The following PRKN variants were observed in gnomAD, a reference collection of about 807,000 sequenced individuals.
The protein encoded by PRKN is E3 ubiquitin-protein ligase parkin.
In PRKN, 56 loss-of-function variants were observed where a neutral mutation model predicts 59.5. That is an observed-to-expected ratio of 0.94 (90% CI 0.76 to 1.18). The LOEUF (loss-of-function observed/expected upper bound fraction) is 1.18. Among genes scored for constraint, PRKN ranks in the 50% most tolerant of loss-of-function variants. PRKN has a pLI of 0.00. For synonymous variants in PRKN, 250 were observed against 222.1 expected (o/e 1.13, Z -1.12); for missense variants, 657 against 596.4 (o/e 1.10, Z -1.06).
At chr6:161,917,937 A>G (rs1191789415) in intron 6 of PRKN, among the ~76,000 whole-genome samples, 1 of 152,210 alleles carries the variant, frequency 6.6e-6, no homozygotes, top group East Asian at 1.9e-4. Context: ...ATGACCTATC[A>G]TATTTCCTTG....
At chr6:162,019,496 T>C (rs1413740659) in intron 5 of PRKN, among the ~76,000 whole-genome samples, 1 of 152,154 alleles carries the variant, frequency 6.6e-6, no homozygotes, top group Non-Finnish European at 1.5e-5. Flanking sequence ...CTACAGATCA[T>C]TGAAATGATA....
chr6:162,041,904 C>T (rs1219615567), intron 5 of PRKN, among the ~76,000 whole-genome samples: 1 of 152,042 alleles, frequency 6.6e-6, no homozygotes, highest in South Asian at 2.1e-4. Context: ...CATATCCTAT[C>T]CTAGAGTGGC....
In PRKN at chr6:161,518,992, TA is replaced by T. The variant is rs1341258183; in HGVS notation, c.1083+29861del. On this transcript the variant is annotated intron_variant, in intron 9 of 11. Coordinates refer to ENST00000366898, the MANE Select transcript of PRKN (RefSeq NM_004562.3). The surrounding 1 kb of genome is among the most constrained non-coding windows in gnomAD (Gnocchi z 5.0). ...CTCGTGTCCAGATGCAAGTAAATGATAAACTCCTCGAGACTTCAGACAGAGA... is the reference window on the plus strand; with the variant it reads ...CTCGTGTCCAGATGCAAGTAAATGATAACTCCTCGAGACTTCAGACAGAGA... Among the ~76,000 whole-genome samples the T allele has an allele frequency of 6.6e-6, 1 of 152,170 alleles. No homozygotes were observed. Among genetic ancestry groups the T allele is most frequent in the Admixed American group, 6.5e-5 (1 of 15,268 alleles).
intron 7 of PRKN, among the ~76,000 whole-genome samples, chr6:161,608,938 G>C (rs1333720684): frequency 1.3e-5 from 2 of 152,062 alleles, no homozygotes; most frequent in Non-Finnish European, 2.9e-5. Context: ...CATCCAGGTG[G>C]CAATGTTGTC....
intron 1 of PRKN, among the ~76,000 whole-genome samples, chr6:162,577,428 C>T (rs1349443395): frequency 1.3e-5 from 2 of 151,196 alleles, no homozygotes; most frequent in South Asian, 2.1e-4. Context: ...GGTGAAACCC[C>T]GTCTCTACTA....
At chr6:162,202,636 T>C (rs1784779061) in intron 3 of PRKN, among the ~76,000 whole-genome samples, 1 of 152,212 alleles carries the variant, frequency 6.6e-6, no homozygotes, top group Non-Finnish European at 1.5e-5. Context: ...AAATATGACA[T>C]TGCTGTTAGC....
At chr6:161,724,563 T>TA (rs1482775129) in intron 7 of PRKN, among the ~76,000 whole-genome samples, 7 of 152,260 alleles carry the variant, frequency 4.6e-5, no homozygotes, top group African/African-American at 1.7e-4. Context: ...TGATACATTT[T>TA]ATCTAGCCAT....
intron 1 of PRKN, among the ~76,000 whole-genome samples, chr6:162,514,362 G>A (rs1041589590): frequency 7.2e-5 from 11 of 151,996 alleles, no homozygotes; most frequent in Admixed American, 3.9e-4. Flanking sequence ...ATAAGGTCAC[G>A]TAGGGCAGTT....
chr6:161,543,979 T>C (rs1243807430), intron 9 of PRKN, among the ~76,000 whole-genome samples: 1 of 152,206 alleles, frequency 6.6e-6, no homozygotes, highest in African/African-American at 2.4e-5. Flanking sequence ...ATGCATAACA[T>C]GAATTCTTTA....
At chr6:161,899,768 T>C (rs1227544824) in intron 6 of PRKN, among the ~76,000 whole-genome samples, 1 of 152,202 alleles carries the variant, frequency 6.6e-6, no homozygotes, top group Non-Finnish European at 1.5e-5. Context: ...CGTATTCCCA[T>C]ACGTTGTACT....
chr6:161,511,747 A>G (rs1778400569), intron 9 of PRKN, among the ~76,000 whole-genome samples: 1 of 152,184 alleles, frequency 6.6e-6, no homozygotes, highest in African/African-American at 2.4e-5. Flanking sequence ...GCCAGGGGTC[A>G]AGATGAAAAA....
rs1415902228 is a variant in PRKN at position 161,757,933 on chromosome 6, G to GTA, written c.871+27837_871+27838dup. 9.9e-5 allele frequency among the ~76,000 whole-genome samples: 10 copies of GTA among 101,440 alleles called. No individual in the cohort carries two copies. In the South Asian group the frequency reaches 3.6e-3, roughly 37 times the overall value. 66.5% of individuals were successfully genotyped at this position (101,440 alleles called of 152,430 possible). ...CACACACACACACATCTCTCTCTCT[G>GTA]TATATATATGTATATATATATACAG... On this transcript the variant is annotated intron_variant, in intron 7 of 11. Transcript: ENST00000366898.
At chr6:162,499,675 T>C (rs776113041) in intron 1 of PRKN, among the ~76,000 whole-genome samples, 1 of 152,200 alleles carries the variant, frequency 6.6e-6, no homozygotes, top group Non-Finnish European at 1.5e-5. Flanking sequence ...GCTAAGGTGG[T>C]TGTCCAAAGC....
chr6:162,292,351 G>A (rs1781474426), intron 2 of PRKN, among the ~76,000 whole-genome samples: 1 of 152,114 alleles, frequency 6.6e-6, no homozygotes, highest in African/African-American at 2.4e-5. Context: ...TAAAGGAGCA[G>A]AATATTTCAA....
intron 1 of PRKN, among the ~76,000 whole-genome samples, chr6:162,475,975 C>CTCT (rs755707925): frequency 2.7e-5 from 4 of 150,832 alleles, no homozygotes; most frequent in Non-Finnish European, 4.4e-5. Flanking sequence ...TGGTCTTGTT[C>CTCT]TCACCTCGTG....
intron 6 of PRKN, among the ~76,000 whole-genome samples, chr6:161,897,037 T>C (rs1777654827): frequency 6.6e-6 from 1 of 152,236 alleles, no homozygotes; most frequent in African/African-American, 2.4e-5. Flanking sequence ...GATATAGTTT[T>C]CTGAGTATTC....
At chr6:162,142,894 C>T (rs2128311338) in intron 4 of PRKN, among the ~76,000 whole-genome samples, 1 of 152,290 alleles carries the variant, frequency 6.6e-6, no homozygotes, top group Middle Eastern at 3.4e-3. Context: ...AGGAAAGCTA[C>T]TAGAATTGAA....
At chr6:162,235,958 G>GAAGGAAGA (rs1778658214) in intron 3 of PRKN, among the ~76,000 whole-genome samples, 21 of 92,676 alleles carry the variant, frequency 2.3e-4, no homozygotes, top group African/African-American at 4.4e-4. Context: ...AGGAAGAAAG[G>GAAGGAAGA]AAGAAAGAAA....
chr6:161,797,958 T>C (rs995578852), intron 6 of PRKN, among the ~76,000 whole-genome samples: 1 of 152,142 alleles, frequency 6.6e-6, no homozygotes, highest in African/African-American at 2.4e-5. Flanking sequence ...TCCCAGCACT[T>C]TGGGAGGCCG....
Sources: allele counts gnomAD v4.1 joint callset (sites outside exome capture counted in the v4.1 genomes callset), GRCh38; gene constraint gnomAD v4.1.1; non-coding constraint Gnocchi (gnomAD v3.1); transcripts MANE v1.5; gene names NCBI Gene and HGNC (gene_info 2026-07-23, HGNC 2026-07-21).